AJAP1: variants seen among roughly 807,000 people sequenced by gnomAD.
The protein encoded by AJAP1 is adherens junctions associated protein 1.
AJAP1 carries 5 observed loss-of-function variants against 35.0 expected under a neutral mutation model. The observed-to-expected ratio is 0.14, with a 90% confidence interval of 0.07 to 0.30. AJAP1 has a LOEUF of 0.30. Ranked by LOEUF, AJAP1 falls within the 10% of genes least tolerant of loss-of-function variation. The probability of loss-of-function intolerance (pLI) is 1.00; values close to 1 mark genes in which losing one functional copy is unlikely to be tolerated. For synonymous variants in AJAP1, 284 were observed against 249.3 expected, an observed-to-expected ratio of 1.14 and a Z score of -1.31; for missense variants, 586 against 571.0, an observed-to-expected ratio of 1.03 and a Z score of -0.27.
chr1:4,756,894 GC>G (rs1042810120), intron 2 of AJAP1, among the ~76,000 whole-genome samples: 1 of 152,018 alleles, frequency 6.6e-6, no homozygotes, highest in Non-Finnish European at 1.5e-5. Context: ...AGCCTGCAGT[GC>G]CCCCTCCAAG....
intron 2 of AJAP1, among the ~76,000 whole-genome samples, chr1:4,748,254 G>A (rs1005872663): frequency 7.2e-5 from 11 of 152,110 alleles, no homozygotes; most frequent in Admixed American, 5.2e-4. Context: ...CCATCTCAGC[G>A]CTTCTGCTGT....
chr1:4,694,065 G>A (rs966119146), intron 1 of AJAP1, among the ~76,000 whole-genome samples: 17 of 152,194 alleles, frequency 1.1e-4, no homozygotes, highest in African/African-American at 3.9e-4. Flanking sequence ...CCCTGCACCT[G>A]CCCAGCACAC....
intron 2 of AJAP1, among the ~76,000 whole-genome samples, chr1:4,765,505 A>C (rs1252945421): frequency 6.6e-6 from 1 of 152,178 alleles, no homozygotes; most frequent in Non-Finnish European, 1.5e-5. Flanking sequence ...GAGAGACATG[A>C]GTGAAGAAGG....
intron 1 of AJAP1, among the ~76,000 whole-genome samples, chr1:4,675,170 A>G (rs1179898954): frequency 6.6e-6 from 1 of 151,750 alleles, no homozygotes; most frequent in Non-Finnish European, 1.5e-5. Context: ...CCACAAGACC[A>G]CTCCCACTTT....
chr1:4,743,680 A>G (rs1209050157), intron 2 of AJAP1, among the ~76,000 whole-genome samples: 2 of 152,184 alleles, frequency 1.3e-5, no homozygotes, highest in African/African-American at 4.8e-5. Flanking sequence ...CAACGAATTT[A>G]TCTTTTACAT....
chr1:4,767,714 A>T (rs997521898), intron 2 of AJAP1, among the ~76,000 whole-genome samples: 1 of 115,848 alleles, frequency 8.6e-6, no homozygotes, highest in Non-Finnish European at 1.9e-5. Context: ...CATTACCATC[A>T]TCACCACCAT....
intron 2 of AJAP1, among the ~76,000 whole-genome samples, chr1:4,755,632 T>A (rs1214548669): frequency 6.6e-6 from 1 of 151,938 alleles, no homozygotes; most frequent in Non-Finnish European, 1.5e-5. Flanking sequence ...AAAGGAAAAA[T>A]TATTCAATGA....
At chr1:4,764,480 CCAA>C (rs1641638440) in intron 2 of AJAP1, among the ~76,000 whole-genome samples, 1 of 152,154 alleles carries the variant, frequency 6.6e-6, no homozygotes, top group South Asian at 2.1e-4. Flanking sequence ...CCTAGTCAGG[CCAA>C]CGTGTTCCCA....
chr1:4,714,454 C>T (rs1398533294), intron 2 of AJAP1, among the ~76,000 whole-genome samples: 5 of 152,226 alleles, frequency 3.3e-5, no homozygotes, highest in African/African-American at 9.6e-5. Flanking sequence ...CCTCTGTATA[C>T]GTCACTTACT....
At chr1:4,681,541 C>T (rs550981395) in intron 1 of AJAP1, among the ~76,000 whole-genome samples, 1 of 152,356 alleles carries the variant, frequency 6.6e-6, no homozygotes, top group African/African-American at 2.4e-5. Flanking sequence ...AGGTTCTGGC[C>T]ATATTCCGGG....
chr1:4,774,382 G>A (rs1476548624), intron 4 of AJAP1, 45 bp from the exon 5 acceptor site: 1 of 1,579,782 alleles, frequency 6.3e-7, no homozygotes, highest in Non-Finnish European at 8.7e-7. Context: ...CATGTGTCAT[G>A]GTCAAGTACC....
In AJAP1 at chr1:4,713,955, C is replaced by T. The variant is rs1037371346; in HGVS notation, c.829+1256C>T. Among the ~76,000 whole-genome samples the T allele has an allele frequency of 7.9e-5, 12 of 152,300 alleles. No homozygotes were observed. In the East Asian group the frequency reaches 1.4e-3, roughly 17 times the overall value. ...GCCGGCATGGCATCCAGGCCCTCTG[C>T]GTCCTCACTAGACTGCGTCCTGGCC... On this transcript the variant is annotated intron_variant, in intron 2 of 5. Transcript: ENST00000378191.
At chr1:4,773,471 A>G (rs1371587139) in intron 4 of AJAP1, among the ~76,000 whole-genome samples, 5 of 152,206 alleles carry the variant, frequency 3.3e-5, no homozygotes, top group Non-Finnish European at 2.9e-5. Flanking sequence ...ATGTTCCTGA[A>G]ATACCTTCTG....
chr1:4,669,433 G>A (rs1639203898), intron 1 of AJAP1, among the ~76,000 whole-genome samples: 1 of 152,212 alleles, frequency 6.6e-6, no homozygotes, highest in Non-Finnish European at 1.5e-5. Context: ...GAAGGCAAAG[G>A]AGAAGCAGGC....
intron 2 of AJAP1, among the ~76,000 whole-genome samples, chr1:4,768,173 CAG>C (rs1219892938): frequency 2.6e-5 from 4 of 152,238 alleles, no homozygotes; most frequent in Non-Finnish European, 4.4e-5. Context: ...CACCTTTATT[CAG>C]GGGGCATCGG....
At chr1:4,719,223 A>C (rs555055263) in intron 2 of AJAP1, among the ~76,000 whole-genome samples, 8 of 152,320 alleles carry the variant, frequency 5.3e-5, no homozygotes, top group African/African-American at 1.9e-4. Context: ...TCAATTATTC[A>C]ATGAACCATC....
chr1:4,663,168 T>C (rs1321669067), intron 1 of AJAP1, among the ~76,000 whole-genome samples: 1 of 152,158 alleles, frequency 6.6e-6, no homozygotes, highest in African/African-American at 2.4e-5. Context: ...TTGAATAGAT[T>C]AGGTCTTGCT....
rs188553929 is a variant in AJAP1, at chr1:4,707,992, G to A, written c.30-3908G>A. 1.9e-3 allele frequency among the ~76,000 whole-genome samples: 267 copies of A among 138,556 alleles called. 2 individuals carry two copies. The highest frequency in any genetic ancestry group is 6.4e-3 in the African/African-American group (238 of 36,986). 90.9% of individuals were successfully genotyped at this position (138,556 alleles called of 152,430 possible). The stretch of plus-strand genomic sequence containing the variant: ...TTTTTTTGTTTTTTTTTTTTGAGAC[G>A]CAGTCTCACTCCATCTCCAGCCTGG... On this transcript the variant is annotated intron_variant, in intron 1 of 5. Transcript: ENST00000378191.
chr1:4,702,859 G>A (rs1640019041), intron 1 of AJAP1, among the ~76,000 whole-genome samples: 1 of 152,210 alleles, frequency 6.6e-6, no homozygotes, highest in Non-Finnish European at 1.5e-5. Context: ...CTGCTGTCCT[G>A]GGGATGGGGC....
Sources: allele counts gnomAD v4.1 joint callset (sites outside exome capture counted in the v4.1 genomes callset), GRCh38; gene constraint gnomAD v4.1.1; transcripts MANE v1.5; gene names NCBI Gene and HGNC (gene_info 2026-07-23, HGNC 2026-07-21).